NIPSNAP3B: variants seen among roughly 807,000 people sequenced by gnomAD.
NIPSNAP3B encodes nipsnap homolog 3B, also known as protein NipSnap homolog 3B.
A neutral mutation model predicts 31.5 loss-of-function variants in NIPSNAP3B; 30 were observed. That is an observed-to-expected ratio of 0.95 (90% CI 0.71 to 1.29). NIPSNAP3B has a LOEUF of 1.29. Ranked by LOEUF, NIPSNAP3B falls within the 50% of genes most tolerant of loss-of-function variation. The probability of loss-of-function intolerance (pLI) is 0.00; values close to 1 mark genes in which losing one functional copy is unlikely to be tolerated. For synonymous variants in NIPSNAP3B, 106 were observed against 107.9 expected (o/e 0.98, Z 0.11); for missense variants, 269 against 300.7 (o/e 0.89, Z 0.78).
At chr9:104,772,354 A>T (rs531928555) in intron 4 of NIPSNAP3B, among the ~76,000 whole-genome samples, 1 of 152,164 alleles carries the variant, frequency 6.6e-6, no homozygotes, top group South Asian at 2.1e-4. Flanking sequence ...GCAGCATTTT[A>T]AAAAATCTGT....
intron 1 of NIPSNAP3B, among the ~76,000 whole-genome samples, chr9:104,765,198 T>A (rs1828064288): frequency 1.3e-5 from 2 of 152,162 alleles, no homozygotes; most frequent in Admixed American, 1.3e-4. Context: ...GAACTCAAGA[T>A]AGACAATTAT....
At chr9:104,788,849 A>AC in the NIPSNAP3B span, among the ~76,000 whole-genome samples, 2 of 152,134 alleles carry the variant, frequency 1.3e-5, no homozygotes, top group African/African-American at 2.4e-5. Context: ...CATGCCAACC[A>AC]CTGCACATTC....
intron 1 of NIPSNAP3B, 138 bp downstream of exon 1, chr9:104,764,438 T>C (rs1828047729): frequency 9.1e-6 from 6 of 659,942 alleles, no homozygotes; most frequent in Non-Finnish European, 1.5e-5. Context: ...TAACGCGGTC[T>C]CTGGAGCCGT....
rs77343476 is a variant in NIPSNAP3B at position 104,777,417 on chromosome 9, C to T, written c.*4344C>T. Reference sequence around the variant, plus strand: ...CCTAGAATGTCTATTCTCTAAGCACCTTCTTGAAAGAAGCACATTCCCCCA... The same window carrying T: ...CCTAGAATGTCTATTCTCTAAGCACTTTCTTGAAAGAAGCACATTCCCCCA... On this transcript the variant is annotated 3_prime_UTR_variant, in exon 6 of 6. Transcript: ENST00000374762. The T allele has an allele frequency of 6.6e-6, 1 of 152,340 alleles. No individual in the cohort carries two copies. Among genetic ancestry groups the T allele is most frequent in the African/African-American group, 2.4e-5 (1 of 41,574 alleles). 9.4% of individuals were successfully genotyped at this position (152,340 alleles called of 1,614,324 possible). A position where few individuals can be genotyped will look rare whatever the true frequency, so the allele number is the denominator to read the frequency against.
Position 104,764,314 on chromosome 9 carries a change from G to T in NIPSNAP3B, c.60+14G>T. On this transcript the variant is annotated intron_variant, in intron 1 of 5. Coordinates refer to ENST00000374762, the MANE Select transcript of NIPSNAP3B (RefSeq NM_018376.4). ...CTCGCGCCTCAGGTACTGGCCGCGGGGGCGCGCCCGAGCCCTGGCCGGAGG... is the reference window on the plus strand; with the variant it reads ...CTCGCGCCTCAGGTACTGGCCGCGGTGGCGCGCCCGAGCCCTGGCCGGAGG... The T allele has an allele frequency of 6.4e-7, 1 of 1,571,836 alleles. No individual in the cohort carries two copies. The highest frequency in any genetic ancestry group is 8.6e-7 in the Non-Finnish European group (1 of 1,161,014).
chr9:104,771,082 T>C, intron 4 of NIPSNAP3B, 84 bp downstream of exon 4: 1 of 1,233,378 alleles, frequency 8.1e-7, no homozygotes, highest in Non-Finnish European at 1.1e-6. Context: ...CCTGTTTTAA[T>C]TTTTATCTCC....
chr9:104,789,889 C>T, the NIPSNAP3B span, among the ~76,000 whole-genome samples: 1 of 151,948 alleles, frequency 6.6e-6, no homozygotes, highest in African/African-American at 2.4e-5. Context: ...AGGTCAGGAG[C>T]TCGAGACCAG....
rs780724387 is a variant in NIPSNAP3B at position 104,776,172 on chromosome 9, C to T, written c.*3099C>T. On this transcript the variant is annotated 3_prime_UTR_variant, in exon 6 of 6. Transcript: ENST00000374762. The stretch of plus-strand genomic sequence containing the variant: ...TTACATTTTCCACTCTCGCTCCAGA[C>T]CTGACCTAAGAGGCTTTTCTCTGAA... Among the ~76,000 whole-genome samples the T allele has an allele frequency of 1.3e-5, 2 of 152,180 alleles. No individual in the cohort carries two copies. The highest frequency in any genetic ancestry group is 2.9e-5 in the Non-Finnish European group (2 of 68,036).
rs374188573 is a variant in NIPSNAP3B at position 104,776,909 on chromosome 9, C to G, written c.*3836C>G. ...AGTCTGAAAAAAGAAGTACATCATT[C>G]CTTCACATGTCATTTTGAGCCACTG... On this transcript the variant is annotated 3_prime_UTR_variant, in exon 6 of 6. Transcript: ENST00000374762. 9.8e-5 allele frequency among the ~76,000 whole-genome samples: 15 copies of G among 152,306 alleles called. No homozygotes were observed. In the South Asian group the frequency reaches 2.9e-3, roughly 30 times the overall value.
intron 4 of NIPSNAP3B, among the ~76,000 whole-genome samples, 189 bp from the exon 5 acceptor site, chr9:104,772,633 G>C (rs970539210): frequency 1.3e-5 from 2 of 152,060 alleles, no homozygotes; most frequent in Non-Finnish European, 2.9e-5. Flanking sequence ...TCAGCCTTAT[G>C]TTTCCAGTTT....
At chr9:104,787,820 C>T in the NIPSNAP3B span, 2 of 1,611,998 alleles carry the variant, frequency 1.2e-6, no homozygotes, top group East Asian at 2.2e-5. Context: ...TGGGGGAAGA[C>T]AAGCCAATCA....
rs371272965 is a variant in NIPSNAP3B at position 104,764,247 on chromosome 9, G to A, written c.7G>A (p.Val3Ile). 1 of 1,601,670 alleles carries A rather than the reference G, an allele frequency of 6.2e-7. No homozygotes were observed. ML[V>I]LRSGLTKALA... Reference sequence around the variant, plus strand: ...TCAGTGCCGAAGCCGCGCCATGCTCGTTCTCAGAAGCGGCCTGACCAAGGC... The same window carrying A: ...TCAGTGCCGAAGCCGCGCCATGCTCATTCTCAGAAGCGGCCTGACCAAGGC... Residue 3 changes from valine to isoleucine, a missense_variant, in exon 1 of 6, where the codon GTT becomes ATT. Transcript: ENST00000374762.
downstream of NIPSNAP3B, among the ~76,000 whole-genome samples, chr9:104,778,941 T>C (rs1406784517): frequency 6.6e-6 from 1 of 152,210 alleles, no homozygotes; most frequent in African/African-American, 2.4e-5. Context: ...ATGTGGTCCC[T>C]GCTATCTCTC....
At chr9:104,778,133 A>G (rs1366977729), downstream of NIPSNAP3B, among the ~76,000 whole-genome samples, 1 of 152,100 alleles carries the variant, frequency 6.6e-6, no homozygotes, top group East Asian at 1.9e-4. Flanking sequence ...TTCTCTTCTA[A>G]ATGTTATAGG....
intron 3 of NIPSNAP3B, 91 bp downstream of exon 3, chr9:104,769,112 A>C: frequency 2.2e-6 from 2 of 907,558 alleles, no homozygotes; most frequent in South Asian, 5.2e-5. Context: ...GGAAAAAAAT[A>C]TATAATTCTT....
At chr9:104,788,689 C>T in the NIPSNAP3B span, 3 of 1,271,896 alleles carry the variant, frequency 2.4e-6, no homozygotes, top group Non-Finnish European at 3.4e-6. Context: ...ACATCTGCTG[C>T]TACTTGAAAG....
At chr9:104,768,079 AT>A (rs912640464) in intron 2 of NIPSNAP3B, among the ~76,000 whole-genome samples, 3 of 152,164 alleles carry the variant, frequency 2.0e-5, no homozygotes, top group Non-Finnish European at 4.4e-5. Flanking sequence ...GTTATACTAT[AT>A]TATTTCACTT....
In NIPSNAP3B at chr9:104,774,749, TA is replaced by T. The variant is rs752558885; in HGVS notation, c.*1678del. On this transcript the variant is annotated 3_prime_UTR_variant, in exon 6 of 6. Coordinates refer to ENST00000374762, the MANE Select transcript of NIPSNAP3B (RefSeq NM_018376.4). ...GTAGATTATGACTTTTCCTAAAACT[TA>T]ACATGACAGAGATTTGCCTTCCAGG... Among the ~76,000 whole-genome samples, 15 of 152,178 alleles carry T rather than the reference TA, an allele frequency of 9.9e-5. No individual in the cohort carries two copies. Among genetic ancestry groups the T allele is most frequent in the Non-Finnish European group, 1.6e-4 (11 of 68,024 alleles).
At chr9:104,780,308 G>A (rs891708328), downstream of NIPSNAP3B, among the ~76,000 whole-genome samples, 10 of 152,146 alleles carry the variant, frequency 6.6e-5, no homozygotes, top group East Asian at 1.9e-4. Flanking sequence ...GACTGCTCAC[G>A]ACACTGTCAC....
Sources: gnomAD v4.1 joint callset for allele counts (sites outside exome capture counted in the v4.1 genomes callset) on GRCh38, gnomAD v4.1.1 for gene constraint, MANE v1.5 for transcripts, NCBI Gene and HGNC (gene_info 2026-07-23, HGNC 2026-07-21) for gene names.